The following GPHN variants were observed in gnomAD, a reference collection of about 807,000 sequenced individuals.
GPHN encodes gephyrin.
In GPHN, 17 loss-of-function variants were observed where a neutral mutation model predicts 95.5. The ratio of observed to expected loss-of-function variants is 0.18; its 90% CI spans 0.12 to 0.27. The LOEUF is 0.27. GPHN is among the 10% of genes least tolerant of loss of function. The pLI is 1.00. For synonymous variants in GPHN, 320 were observed against 322.5 expected (o/e 0.99, Z 0.08); for missense variants, 660 against 978.1 (o/e 0.67, Z 4.34).
chr14:66,697,602 AT>A (rs1220819017), intron 2 of GPHN, among the ~76,000 whole-genome samples: 2 of 150,506 alleles, frequency 1.3e-5, no homozygotes, highest in African/African-American at 2.4e-5. Flanking sequence ...ATTTAAAAGT[AT>A]GGTCTAATCT....
the GPHN span, among the ~76,000 whole-genome samples, chr14:67,430,297 T>C: frequency 6.6e-6 from 1 of 152,118 alleles, no homozygotes; most frequent in Non-Finnish European, 1.5e-5. Context: ...GGGTAGATTA[T>C]AGGGAATAAC....
the GPHN span, chr14:67,572,183 C>T: frequency 3.3e-5 from 53 of 1,607,670 alleles, no homozygotes; most frequent in Non-Finnish European, 4.2e-5. Flanking sequence ...GCCATCCCCC[C>T]GGACGCCTGC....
At chr14:67,550,481 G>A in the GPHN span, among the ~76,000 whole-genome samples, 1 of 152,202 alleles carries the variant, frequency 6.6e-6, no homozygotes, top group Non-Finnish European at 1.5e-5. Flanking sequence ...GCACCACCGC[G>A]CCCAGCCAAA....
At chr14:66,699,319 G>T (rs923681972) in intron 2 of GPHN, among the ~76,000 whole-genome samples, 1 of 151,758 alleles carries the variant, frequency 6.6e-6, no homozygotes, top group Non-Finnish European at 1.5e-5. Flanking sequence ...CCTGCACATT[G>T]TGCACATGTA....
the GPHN span, among the ~76,000 whole-genome samples, chr14:67,449,520 G>A: frequency 6.6e-6 from 1 of 152,278 alleles, no homozygotes; most frequent in East Asian, 1.9e-4. Context: ...ATGGTCCCCT[G>A]TATCTTGTAG....
Position 67,085,111 on chromosome 14 carries a change from C to A in GPHN, c.1145-3872C>A, listed in dbSNP as rs1189711237. ...ATACATACATTTTTCTCATTTGAGC[C>A]TCCTCAGAAACTTGAGGGTTATTTT... On this transcript the variant is annotated intron_variant, in intron 11 of 22. Transcript: ENST00000478722. Among the ~76,000 whole-genome samples the A allele has an allele frequency of 3.3e-5, 5 of 152,318 alleles. No individual in the cohort carries two copies. The East Asian group carries it at 7.7e-4, about 23-fold the overall frequency.
At chr14:66,521,490 G>C (rs1317180840) in intron 1 of GPHN, among the ~76,000 whole-genome samples, 3 of 152,124 alleles carry the variant, frequency 2.0e-5, no homozygotes, top group African/African-American at 7.2e-5. Context: ...CTTAGACTGG[G>C]TAATTTATAA....
At chr14:66,777,841 T>G (rs926297159) in intron 3 of GPHN, among the ~76,000 whole-genome samples, 79 of 152,230 alleles carry the variant, frequency 5.2e-4, no homozygotes, top group Non-Finnish European at 1.1e-3. Flanking sequence ...ATAAGAGCTA[T>G]CTATGACAAA....
intron 10 of GPHN, among the ~76,000 whole-genome samples, chr14:67,033,250 G>A (rs2074272743): frequency 6.6e-6 from 1 of 152,076 alleles, no homozygotes; most frequent in African/African-American, 2.4e-5. Context: ...GAAAAAAAAG[G>A]AACAGAAAAG....
chr14:67,114,454 G>A (rs2078557834), intron 16 of GPHN, among the ~76,000 whole-genome samples: 1 of 152,180 alleles, frequency 6.6e-6, no homozygotes, highest in Admixed American at 6.5e-5. Flanking sequence ...ATTTAGGGAG[G>A]CTGAAGCAGG....
At chr14:67,179,538 A>T (rs770214043) in intron 21 of GPHN, 40 bp from the exon 22 acceptor site, 1 of 1,124,096 alleles carries the variant, frequency 8.9e-7, no homozygotes, top group South Asian at 1.2e-5. Flanking sequence ...TGAGATGATC[A>T]GGTGACCAAG....
the GPHN span, chr14:67,241,875 G>A: frequency 6.6e-5 from 10 of 152,062 alleles, no homozygotes; most frequent in Admixed American, 6.5e-4. Flanking sequence ...CCCTCTCTCC[G>A]AGGTCGCGAC....
intron 2 of GPHN, among the ~76,000 whole-genome samples, chr14:66,711,671 T>C (rs930131081): frequency 3.1e-4 from 47 of 151,768 alleles, no homozygotes; most frequent in Non-Finnish European, 5.7e-4. Flanking sequence ...GGTATACATG[T>C]GCCATGTTGG....
the GPHN span, among the ~76,000 whole-genome samples, chr14:67,396,188 C>T: frequency 7.2e-5 from 11 of 151,950 alleles, no homozygotes; most frequent in Non-Finnish European, 1.6e-4. Flanking sequence ...TGCTCTGTCG[C>T]CCAGGCTGGA....
chr14:66,676,679 T>A (rs1465352735), intron 1 of GPHN, among the ~76,000 whole-genome samples: 1 of 151,458 alleles, frequency 6.6e-6, no homozygotes, highest in African/African-American at 2.4e-5. Flanking sequence ...TGTATTTTTT[T>A]TTTTTTTTTG....
the GPHN span, among the ~76,000 whole-genome samples, chr14:67,402,542 T>C: frequency 0.019 from 2,879 of 152,340 alleles, 37 homozygotes; most frequent in Middle Eastern, 0.034. Context: ...TTAATTTTTT[T>C]GTACCCATTA....
the GPHN span, among the ~76,000 whole-genome samples, chr14:67,263,230 T>A: frequency 6.6e-6 from 1 of 152,288 alleles, no homozygotes; most frequent in South Asian, 2.1e-4. Flanking sequence ...GGGACCCTAA[T>A]TTGTCTAATT....
At chr14:67,316,828 T>A in the GPHN span, 1 of 1,607,004 alleles carries the variant, frequency 6.2e-7, no homozygotes, top group African/African-American at 1.3e-5. Context: ...TTTCTGCTAT[T>A]AAGGGAAAAG....
At chr14:66,599,392 A>T (rs1305830753) in intron 1 of GPHN, among the ~76,000 whole-genome samples, 778 of 75,704 alleles carry the variant, frequency 0.01, 1 homozygote, top group African/African-American at 0.024. Flanking sequence ...TTTTTTTTGC[A>T]TTTTTTTTTT....
Sources: gnomAD v4.1 joint callset for allele counts (sites outside exome capture counted in the v4.1 genomes callset) on GRCh38, gnomAD v4.1.1 for gene constraint, MANE v1.5 for transcripts, NCBI Gene and HGNC (gene_info 2026-07-23, HGNC 2026-07-21) for gene names.